Variants in STXBP3 observed in about 807,000 individuals in gnomAD.
STXBP3 encodes syntaxin binding protein 3, also known as syntaxin-binding protein 3.
STXBP3 carries 41 observed loss-of-function variants against 85.7 expected under a neutral mutation model. The ratio of observed to expected loss-of-function variants is 0.48; its 90% CI spans 0.37 to 0.62. The LOEUF (loss-of-function observed/expected upper bound fraction) is 0.62. Among genes scored for constraint, STXBP3 ranks in the 20% least tolerant of loss-of-function variants. The pLI is 0.00. For missense variants in STXBP3, 563 were observed against 703.1 expected (o/e 0.80, Z 2.25); for synonymous variants, 229 against 231.7 (o/e 0.99, Z 0.10).
chr1:108,760,380 A>G (rs1215727423), intron 6 of STXBP3, among the ~76,000 whole-genome samples: 1 of 152,002 alleles, frequency 6.6e-6, no homozygotes, highest in Non-Finnish European at 1.5e-5. Flanking sequence ...AGATGACTCC[A>G]AAAAAAGTGT....
intron 6 of STXBP3, among the ~76,000 whole-genome samples, chr1:108,765,019 C>G (rs1018245083): frequency 9.2e-5 from 14 of 152,032 alleles, no homozygotes; most frequent in African/African-American, 3.4e-4. Context: ...TGGGTTTTAC[C>G]TTTAAGTCTT....
intron 17 of STXBP3, among the ~76,000 whole-genome samples, chr1:108,805,665 C>T (rs1318658152): frequency 6.6e-6 from 1 of 152,146 alleles, no homozygotes; most frequent in Non-Finnish European, 1.5e-5. Context: ...CTTCATGATC[C>T]GCCCACCTCG....
At chr1:108,801,951 G>A (rs1663241907) in intron 17 of STXBP3, among the ~76,000 whole-genome samples, 1 of 152,084 alleles carries the variant, frequency 6.6e-6, no homozygotes, top group Non-Finnish European at 1.5e-5. Flanking sequence ...TTATAGATGT[G>A]AGACACTGCA....
At chr1:108,787,394 G>A (rs1690726) in intron 11 of STXBP3, among the ~76,000 whole-genome samples, 107,180 of 151,986 alleles carry the variant, frequency 0.71, 38,776 homozygotes, top group Non-Finnish European at 0.77. Flanking sequence ...TTTCTGTTTC[G>A]GCTAGTAAAG....
Position 108,794,872 on chromosome 1 carries a change from A to C in STXBP3, c.1075A>C (p.Lys359Gln). Residue 359 changes from lysine to glutamine, a missense_variant, in exon 13 of 19, where the codon AAG becomes CAG. Lys to Gln is a moderately conservative substitution (Grantham distance 53, BLOSUM62 1). This residue lies in a region of STXBP3 where 494 missense variants were observed against 592.8 expected (regional missense o/e 0.83). Coordinates refer to ENST00000370008, the MANE Select transcript of STXBP3 (RefSeq NM_007269.4). ...AGCAGAAGATTGCATGAATAAGTTC[A>C]AGCTTAATATAGAAAAGCTCTGCAA... ...NLAEDCMNKF[K>Q]LNIEKLCKTE... 3.7e-6 allele frequency: 6 copies of C among 1,610,234 alleles called. No homozygotes were observed. Among genetic ancestry groups the C allele is most frequent in the Non-Finnish European group, 5.1e-6 (6 of 1,177,892 alleles).
intron 1 of STXBP3, among the ~76,000 whole-genome samples, chr1:108,750,189 A>AT (rs368147388): frequency 1.1e-3 from 173 of 152,246 alleles, no homozygotes; most frequent in African/African-American, 3.9e-3. Flanking sequence ...AATAAATCTG[A>AT]TAAAAACAAG....
chr1:108,793,099 T>TC (rs1491190181), intron 11 of STXBP3, among the ~76,000 whole-genome samples: 10 of 79,832 alleles, frequency 1.3e-4, no homozygotes, highest in Non-Finnish European at 2.4e-4. Flanking sequence ...GTCTAGCTCC[T>TC]TTCTTTTTAG....
chr1:108,764,390 A>T (rs1278899740), intron 6 of STXBP3, among the ~76,000 whole-genome samples: 2 of 152,030 alleles, frequency 1.3e-5, no homozygotes, highest in African/African-American at 4.8e-5. Flanking sequence ...TGATAGACTT[A>T]TATTCTTTTG....
At chr1:108,764,445 G>A (rs1432989143) in intron 6 of STXBP3, among the ~76,000 whole-genome samples, 4 of 152,110 alleles carry the variant, frequency 2.6e-5, no homozygotes, top group Admixed American at 2.6e-4. Flanking sequence ...TGGTAGTTCT[G>A]TTTTTTAGGT....
chr1:108,803,132 A>C (rs567654424), intron 17 of STXBP3, among the ~76,000 whole-genome samples: 5 of 152,262 alleles, frequency 3.3e-5, no homozygotes, highest in African/African-American at 7.2e-5. Flanking sequence ...CCTTTTCTAC[A>C]AAAGGTTTGG....
At chr1:108,773,385 A>G (rs1438848084) in intron 7 of STXBP3, among the ~76,000 whole-genome samples, 2 of 152,182 alleles carry the variant, frequency 1.3e-5, no homozygotes, top group African/African-American at 2.4e-5. Context: ...GACAAAACCA[A>G]TTTTACCATA....
Position 108,759,976 on chromosome 1 carries a change from TCCCCTCAG to T in STXBP3, c.338-8_338-1del. On this transcript the variant is annotated splice_acceptor_variant and splice_polypyrimidine_tract_variant and intron_variant, in intron 5 of 18. Transcript: ENST00000370008. LOFTEE classifies it high-confidence loss of function. ...TGTAACTATATGCTTTGTTTTTTTT[TCCCCTCAG>T]TTTGCCCTGATAATCTCTTTAACAA... 3 of 1,513,058 alleles carry T rather than the reference TCCCCTCAG, an allele frequency of 2.0e-6. No individual in the cohort carries two copies. The highest frequency in any genetic ancestry group is 4.4e-5 in the Admixed American group (2 of 45,668). The allele number at this position is 1,513,058 out of a possible 1,614,324, so 93.7% of individuals were successfully genotyped here. A position where few individuals can be genotyped will look rare whatever the true frequency, so the allele number is the denominator to read the frequency against.
In STXBP3 at chr1:108,779,313, A is replaced by G. The variant is rs761332731; in HGVS notation, c.712A>G (p.Ile238Val). 3 of 1,613,044 alleles carry G rather than the reference A, an allele frequency of 1.9e-6. No individual in the cohort carries two copies. The Admixed American group carries it at 5.0e-5, about 27-fold the overall frequency. Residue 238 changes from isoleucine to valine, a missense_variant, in exon 9 of 19, where the codon ATT (isoleucine) becomes GTT (valine). This residue lies in a region of STXBP3 where 494 missense variants were observed against 592.8 expected (regional missense o/e 0.83). Coordinates refer to ENST00000370008, the MANE Select transcript of STXBP3 (RefSeq NM_007269.4). The stretch of plus-strand genomic sequence containing the variant: ...TAAAACTCATTCACAGCTCTTAATA[A>G]TTGATCGTGGCTTTGATCCTGTGTC... ...KGKTHSQLLI[I>V]DRGFDPVSTV...
chr1:108,761,739 G>A (rs1194499514), intron 6 of STXBP3, among the ~76,000 whole-genome samples: 5 of 152,098 alleles, frequency 3.3e-5, no homozygotes, highest in African/African-American at 1.2e-4. Context: ...TTGGGAGGCC[G>A]AGGTGGGTGG....
chr1:108,751,962 G>A (rs1018181455), intron 1 of STXBP3, among the ~76,000 whole-genome samples: 2 of 151,836 alleles, frequency 1.3e-5, no homozygotes, highest in African/African-American at 4.8e-5. Context: ...AAGTAGAATA[G>A]GAAAAACCAA....
At chr1:108,808,748 G>T (rs200051688) in intron 18 of STXBP3, 35 bp from the exon 19 acceptor site, 2 of 1,503,942 alleles carry the variant, frequency 1.3e-6, no homozygotes, top group Non-Finnish European at 1.8e-6. Flanking sequence ...TGATTTAACT[G>T]CTGGCCTCTG....
rs535427250 is a variant in STXBP3, at chr1:108,761,413, C to T, written c.438+1328C>T. Reference sequence around the variant, plus strand: ...TATTACAAACATTTCTAGAACATCTCGCTTCACAGAAGATAAATATAATTT... The same window carrying T: ...TATTACAAACATTTCTAGAACATCTTGCTTCACAGAAGATAAATATAATTT... On this transcript the variant is annotated intron_variant, in intron 6 of 18. Coordinates refer to ENST00000370008, the MANE Select transcript of STXBP3 (RefSeq NM_007269.4). 1.8e-4 allele frequency among the ~76,000 whole-genome samples: 28 copies of T among 152,180 alleles called. No homozygotes were observed. In the East Asian group the frequency reaches 4.8e-3, roughly 26 times the overall value.
chr1:108,786,247 A>G (rs1662822184), intron 11 of STXBP3, among the ~76,000 whole-genome samples: 1 of 152,178 alleles, frequency 6.6e-6, no homozygotes, highest in Admixed American at 6.5e-5. Context: ...CAGGGGAGAG[A>G]AAGAATGCCG....
intron 11 of STXBP3, among the ~76,000 whole-genome samples, chr1:108,793,102 CTTTTT>C (rs1237219739): frequency 6.8e-5 from 10 of 146,032 alleles, no homozygotes; most frequent in Non-Finnish European, 1.5e-4. Flanking sequence ...TAGCTCCTTT[CTTTTT>C]AGCACTCTGC....
Sources: allele counts gnomAD v4.1 joint callset (sites outside exome capture counted in the v4.1 genomes callset), GRCh38; gene constraint gnomAD v4.1.1; regional missense constraint gnomAD v4.1.1; transcripts MANE v1.5; gene names NCBI Gene and HGNC (gene_info 2026-07-23, HGNC 2026-07-21).